FOXP1: variants seen among roughly 807,000 people sequenced by gnomAD.
The protein encoded by FOXP1 is forkhead box P1, also known as forkhead box protein P1.
FOXP1 carries 15 observed loss-of-function variants against 98.2 expected under a neutral mutation model. The observed-to-expected ratio is 0.15, with a 90% CI of 0.10 to 0.24. The LOEUF is 0.24. Among genes scored for constraint, FOXP1 ranks in the 10% least tolerant of loss-of-function variants. The pLI is 1.00. For missense variants in FOXP1, 633 were observed against 848.5 expected, an observed-to-expected ratio of 0.75 and a Z score of 3.15; for synonymous variants, 371 against 314.5, an observed-to-expected ratio of 1.18 and a Z score of -1.90.
chr3:71,284,921 T>C (rs1169940582), intron 5 of FOXP1, among the ~76,000 whole-genome samples: 1 of 152,218 alleles, frequency 6.6e-6, no homozygotes, highest in Non-Finnish European at 1.5e-5. Context: ...TCTACTTTTC[T>C]ATAATTGCAA....
intron 11 of FOXP1, among the ~76,000 whole-genome samples, chr3:71,026,537 T>A (rs2063660122): frequency 6.6e-6 from 1 of 152,178 alleles, no homozygotes; most frequent in African/African-American, 2.4e-5. Context: ...CACAGTGTAG[T>A]GTGTCTGATG....
chr3:71,019,842 C>T (rs201177370), intron 11 of FOXP1, among the ~76,000 whole-genome samples: 1 of 117,546 alleles, frequency 8.5e-6, no homozygotes, highest in Non-Finnish European at 1.7e-5. Context: ...GTCCCCCCCC[C>T]AAAAAAAACA....
intron 6 of FOXP1, among the ~76,000 whole-genome samples, chr3:71,169,009 A>T (rs2061518064): frequency 6.6e-6 from 1 of 152,204 alleles, no homozygotes; most frequent in Non-Finnish European, 1.5e-5. Flanking sequence ...ACTCACTTGA[A>T]AAAGTGAAGA....
At chr3:71,073,832 ATGTGAC>A (rs2053522275) in intron 7 of FOXP1, among the ~76,000 whole-genome samples, 1 of 152,070 alleles carries the variant, frequency 6.6e-6, no homozygotes, top group South Asian at 2.1e-4. Flanking sequence ...AAGAGCTGGG[ATGTGAC>A]TGTGTCCTCC....
At chr3:71,562,055 G>C (rs982114261) in intron 2 of FOXP1, among the ~76,000 whole-genome samples, 2 of 152,166 alleles carry the variant, frequency 1.3e-5, no homozygotes, top group Non-Finnish European at 2.9e-5. Context: ...CTGATGATAG[G>C]AGTTTGGGTT....
intron 6 of FOXP1, among the ~76,000 whole-genome samples, chr3:71,156,006 G>A (rs1381617994): frequency 6.6e-6 from 1 of 152,160 alleles, no homozygotes; most frequent in Non-Finnish European, 1.5e-5. Context: ...CTTTGGTAAG[G>A]GAGGTAGGGC....
intron 7 of FOXP1, among the ~76,000 whole-genome samples, chr3:71,061,299 C>T (rs954398364): frequency 6.6e-6 from 1 of 152,142 alleles, no homozygotes; most frequent in Non-Finnish European, 1.5e-5. Flanking sequence ...ACACATAAAG[C>T]TACCCTTTTG....
chr3:71,126,719 G>A (rs1446127976), intron 6 of FOXP1, among the ~76,000 whole-genome samples: 1 of 151,606 alleles, frequency 6.6e-6, no homozygotes, highest in East Asian at 1.9e-4. Flanking sequence ...AGCTACTTAG[G>A]AGGACGATGC....
At chr3:71,457,700 G>A (rs915111831) in intron 3 of FOXP1, among the ~76,000 whole-genome samples, 4 of 152,120 alleles carry the variant, frequency 2.6e-5, no homozygotes, top group African/African-American at 4.8e-5. Context: ...AAAATACTAG[G>A]GGAAAGGGCT....
intron 6 of FOXP1, among the ~76,000 whole-genome samples, chr3:71,176,536 G>A (rs186006451): frequency 1.3e-5 from 2 of 152,126 alleles, no homozygotes; most frequent in South Asian, 2.1e-4. Flanking sequence ...TGCTGCAAAC[G>A]TCACCACCAG....
At chr3:71,547,822 T>A (rs894703500) in intron 2 of FOXP1, among the ~76,000 whole-genome samples, 5 of 152,228 alleles carry the variant, frequency 3.3e-5, no homozygotes, top group African/African-American at 1.2e-4. Context: ...GTGGTCATCA[T>A]CACCTCCCAT....
At chr3:70,962,117 C>A (rs1173677929) in intron 20 of FOXP1, among the ~76,000 whole-genome samples, 1 of 152,066 alleles carries the variant, frequency 6.6e-6, no homozygotes, top group Non-Finnish European at 1.5e-5. Flanking sequence ...CATTTGAGGT[C>A]ATATTTTTAA....
chr3:71,516,975 G>C (rs577413139), intron 2 of FOXP1, among the ~76,000 whole-genome samples: 1 of 152,206 alleles, frequency 6.6e-6, no homozygotes, highest in Non-Finnish European at 1.5e-5. Flanking sequence ...CTGACTGTGT[G>C]TGTGCTTTCT....
At chr3:71,117,534 G>T (rs2058460207) in intron 6 of FOXP1, among the ~76,000 whole-genome samples, 1 of 152,166 alleles carries the variant, frequency 6.6e-6, no homozygotes, top group Non-Finnish European at 1.5e-5. Context: ...GTGTGAATAT[G>T]TGTTTGTGTG....
intron 3 of FOXP1, among the ~76,000 whole-genome samples, chr3:71,409,219 C>T (rs1374238758): frequency 6.6e-6 from 1 of 152,172 alleles, no homozygotes; most frequent in African/African-American, 2.4e-5. Context: ...TCCTCACCCA[C>T]AGTCTCCATT....
At chr3:71,085,974 C>T (rs147197090) in intron 7 of FOXP1, among the ~76,000 whole-genome samples, 2,259 of 151,462 alleles carry the variant, frequency 0.015, 39 homozygotes, top group African/African-American at 0.051. Flanking sequence ...GTGATCTGCC[C>T]GCCTTGGCCT....
chr3:71,200,281 G>A (rs1191318523), intron 5 of FOXP1, among the ~76,000 whole-genome samples: 1 of 152,138 alleles, frequency 6.6e-6, no homozygotes, highest in Non-Finnish European at 1.5e-5. Flanking sequence ...CTGATCACCA[G>A]TGTTGGGTCA....
At chr3:71,075,470 C>A (rs779321574) in intron 7 of FOXP1, among the ~76,000 whole-genome samples, 7 of 152,056 alleles carry the variant, frequency 4.6e-5, no homozygotes, top group African/African-American at 9.7e-5. Context: ...TACTGTTGAT[C>A]CTCACTCCAA....
intron 5 of FOXP1, among the ~76,000 whole-genome samples, chr3:71,225,366 A>G (rs1264010963): frequency 6.6e-6 from 1 of 152,256 alleles, no homozygotes; most frequent in Non-Finnish European, 1.5e-5. Flanking sequence ...GAAAGGAAAC[A>G]GAGCTGATAA....
Sources: gnomAD v4.1 joint callset for allele counts (sites outside exome capture counted in the v4.1 genomes callset) on GRCh38, gnomAD v4.1.1 for gene constraint, MANE v1.5 for transcripts, NCBI Gene and HGNC (gene_info 2026-07-23, HGNC 2026-07-21) for gene names.